PRSS23: variants seen among roughly 807,000 people sequenced by gnomAD.
PRSS23 encodes the protein protease, serine 23.
In PRSS23, 25 loss-of-function variants were observed where a neutral mutation model predicts 34.7. The ratio of observed to expected loss-of-function variants is 0.72; its 90% CI spans 0.53 to 1.01. PRSS23 has a LOEUF of 1.01. PRSS23 is among the 50% of genes least tolerant of loss of function. The pLI is 0.00. For missense variants in PRSS23, 445 were observed against 475.6 expected (o/e 0.94, Z 0.60); for synonymous variants, 176 against 186.6 (o/e 0.94, Z 0.46).
At chr11:86,844,159 C>T (rs1444875199) in intron 2 of PRSS23, among the ~76,000 whole-genome samples, 2 of 152,168 alleles carry the variant, frequency 1.3e-5, no homozygotes, top group African/African-American at 4.8e-5. Flanking sequence ...CAAAGTGTCA[C>T]AAGGACAGAA....
Position 86,807,772 on chromosome 11 carries a change from G to T in PRSS23, c.129G>T (p.Gln43His), listed in dbSNP as rs140723937. 6.2e-6 allele frequency: 10 copies of T among 1,614,018 alleles called. No individual in the cohort carries two copies. In the African/African-American group the frequency reaches 1.2e-4, roughly 19 times the overall value. ...ACCGCCTCCCTGTCGTCTTGCCCCA[G>T]TCTACCCTCAATTTAGCCAAGCCAG... ...PAYRLPVVLP[Q>H]STLNLAKPDF... is the part of the protein sequence containing the mutation. The change falls in exon 2 of 2, where the codon CAG becomes CAT. Residue 43 changes from glutamine (Q) to histidine (H), a missense_variant. Coordinates refer to ENST00000280258, the MANE Select transcript of PRSS23 (RefSeq NM_007173.6).
chr11:86,888,519 A>G (rs1948820464), intron 2 of PRSS23, among the ~76,000 whole-genome samples: 1 of 152,176 alleles, frequency 6.6e-6, no homozygotes, highest in Non-Finnish European at 1.5e-5. Context: ...CACATGTCAT[A>G]CAATCCCCGC....
At chr11:86,822,862 C>A (rs542954592) in intron 1 of PRSS23, among the ~76,000 whole-genome samples, 1 of 152,266 alleles carries the variant, frequency 6.6e-6, no homozygotes, top group African/African-American at 2.4e-5. Flanking sequence ...AATACAAAAT[C>A]GGTGTTTCCT....
intron 2 of PRSS23, among the ~76,000 whole-genome samples, chr11:86,860,669 A>G (rs1408816540): frequency 1.3e-5 from 2 of 150,588 alleles, no homozygotes; most frequent in African/African-American, 2.4e-5. Context: ...GGTGTACGTT[A>G]CCCCTGTGTT....
chr11:86,939,431 T>TTTTTTTTAAAATATATATATATATATATA (rs1555084022), intron 2 of PRSS23, among the ~76,000 whole-genome samples: 2 of 141,750 alleles, frequency 1.4e-5, no homozygotes, highest in Non-Finnish European at 3.0e-5. Flanking sequence ...TATATATTTT[T>TTTTTTTTAAAATATATATATATATATATA]TAACATGAGT....
rs192165978 is a variant in PRSS23 at position 86,886,441 on chromosome 11, C to T, written c.206+62848C>T. Among the ~76,000 whole-genome samples the T allele has an allele frequency of 2.0e-5, 3 of 152,280 alleles. No individual in the cohort carries two copies. The East Asian group carries it at 5.8e-4, about 29-fold the overall frequency. ...AGCTTTAAACTGTCCTGTGAAGTTGCGTGAAGCCTCTGTTAAAACTGTACT... is the reference window on the plus strand; with the variant it reads ...AGCTTTAAACTGTCCTGTGAAGTTGTGTGAAGCCTCTGTTAAAACTGTACT... On this transcript the variant is annotated intron_variant, in intron 2 of 2. Transcript: ENST00000533902.
At chr11:86,901,775 A>G (rs893892313) in intron 2 of PRSS23, among the ~76,000 whole-genome samples, 10 of 152,302 alleles carry the variant, frequency 6.6e-5, no homozygotes, top group Admixed American at 4.6e-4. Flanking sequence ...CTCACATAGT[A>G]TAGTATTTTC....
Position 86,951,682 on chromosome 11 carries a change from T to C in PRSS23, c.*397T>C, listed in dbSNP as rs758288341. 5 of 1,614,128 alleles carry C rather than the reference T, an allele frequency of 3.1e-6. No individual in the cohort carries two copies. Reference sequence around the variant, plus strand: ...GTCTCATAATCAAGATGACAATGGTTTTCACTGCGGGGATGGCCCAGGCTG... The same window carrying C: ...GTCTCATAATCAAGATGACAATGGTCTTCACTGCGGGGATGGCCCAGGCTG... On this transcript the variant is annotated 3_prime_UTR_variant, in exon 3 of 3. Coordinates refer to the PRSS23 transcript ENST00000533902.
Position 86,939,420 on chromosome 11 carries a change from A to T in PRSS23, c.207-11796A>T, listed in dbSNP as rs1261919763. On this transcript the variant is annotated intron_variant, in intron 2 of 2. Transcript: ENST00000533902. ...AAAAAAAAAATATATATATATATAT[A>T]TATATATTTTTTAACATGAGTAAAA... 3.2e-4 allele frequency among the ~76,000 whole-genome samples: 27 copies of T among 83,722 alleles called. 1 individual carries two copies. Among genetic ancestry groups the T allele is most frequent in the South Asian group, 2.5e-3 (7 of 2,842 alleles). 54.9% of individuals were successfully genotyped at this position (83,722 alleles called of 152,430 possible).
At chr11:86,919,470 G>GT (rs919655174) in intron 2 of PRSS23, among the ~76,000 whole-genome samples, 14 of 151,778 alleles carry the variant, frequency 9.2e-5, no homozygotes, top group Admixed American at 6.6e-4. Context: ...TCTCTCTCTT[G>GT]TTTTTTTTCT....
intron 2 of PRSS23, among the ~76,000 whole-genome samples, chr11:86,876,095 A>G (rs1948722463): frequency 6.6e-6 from 1 of 152,200 alleles, no homozygotes; most frequent in South Asian, 2.1e-4. Context: ...GTGCAATGCA[A>G]TTAATAACCC....
intron 2 of PRSS23, among the ~76,000 whole-genome samples, chr11:86,829,153 T>C (rs903985971): frequency 6.6e-6 from 1 of 152,248 alleles, no homozygotes; most frequent in African/African-American, 2.4e-5. Flanking sequence ...GATTTGGTCT[T>C]TTCACATAGT....
chr11:86,825,368 T>A (rs1014174502), intron 2 of PRSS23, among the ~76,000 whole-genome samples: 1 of 152,250 alleles, frequency 6.6e-6, no homozygotes, highest in Non-Finnish European at 1.5e-5. Context: ...TCTTTGTAGA[T>A]TCCGGATATT....
intron 2 of PRSS23, among the ~76,000 whole-genome samples, chr11:86,900,959 A>G (rs1338873625): frequency 2.0e-5 from 3 of 151,678 alleles, no homozygotes; most frequent in East Asian, 1.9e-4. Flanking sequence ...TAACTTTTGT[A>G]TTTTTAGTAG....
intron 2 of PRSS23, among the ~76,000 whole-genome samples, chr11:86,929,051 G>A (rs887943666): frequency 6.6e-6 from 1 of 152,070 alleles, no homozygotes; most frequent in Non-Finnish European, 1.5e-5. Context: ...GCTGGGTGCG[G>A]TGCCTCGTGC....
At chr11:86,800,002 A>G (rs1948010166), upstream of PRSS23, among the ~76,000 whole-genome samples, 1 of 152,202 alleles carries the variant, frequency 6.6e-6, no homozygotes, top group Admixed American at 6.5e-5. Flanking sequence ...CTAAAAGTGT[A>G]CGTGGGGGTG....
At chr11:86,877,802 A>G (rs906356994) in intron 2 of PRSS23, among the ~76,000 whole-genome samples, 2 of 148,578 alleles carry the variant, frequency 1.3e-5, no homozygotes, top group Non-Finnish European at 3.0e-5. Flanking sequence ...TCTTTTGGCT[A>G]TTCAGGGTCC....
At chr11:86,872,622 A>T (rs992361568) in intron 2 of PRSS23, among the ~76,000 whole-genome samples, 4 of 152,220 alleles carry the variant, frequency 2.6e-5, no homozygotes, top group African/African-American at 9.6e-5. Flanking sequence ...TCAAAGGAGT[A>T]AATAGACTTA....
chr11:86,952,607 C>CTGTT (rs1949304359), exon 3 of PRSS23: 1 of 868,598 alleles, frequency 1.2e-6, no homozygotes, highest in African/African-American at 1.7e-5. Context: ...GGGAGTCTGT[C>CTGTT]TGTTTACTCT....
Sources: allele counts gnomAD v4.1 joint callset (sites outside exome capture counted in the v4.1 genomes callset), GRCh38; gene constraint gnomAD v4.1.1; transcripts MANE v1.5; gene names NCBI Gene and HGNC (gene_info 2026-07-23, HGNC 2026-07-21).